The following FSTL4 variants were observed in gnomAD, a reference collection of about 807,000 sequenced individuals.
The protein encoded by FSTL4 is follistatin-related protein 4.
FSTL4 carries 28 observed loss-of-function variants against 78.2 expected under a neutral mutation model. That is an observed-to-expected ratio of 0.36 (90% CI 0.27 to 0.49). FSTL4 has a LOEUF of 0.49. Ranked by LOEUF, FSTL4 falls within the 20% of genes least tolerant of loss-of-function variation. The probability of loss-of-function intolerance (pLI) is 0.98; values close to 1 mark genes in which losing one functional copy is unlikely to be tolerated. For synonymous variants in FSTL4, 422 were observed against 440.5 expected (o/e 0.96, Z 0.53); for missense variants, 922 against 1,084.9 (o/e 0.85, Z 2.11).
At chr5:133,721,054 T>C in the FSTL4 span, 1 of 152,218 alleles carries the variant, frequency 6.6e-6, no homozygotes. Context: ...CTCTGTGGTT[T>C]TAATTTGCAT....
intron 6 of FSTL4, among the ~76,000 whole-genome samples, chr5:133,262,632 G>A (rs1022766418): frequency 3.9e-5 from 6 of 152,130 alleles, no homozygotes; most frequent in Non-Finnish European, 5.9e-5. Flanking sequence ...AGGCTGCACT[G>A]CCCAGCCTGC....
intron 3 of FSTL4, among the ~76,000 whole-genome samples, chr5:133,561,547 T>A (rs575034426): frequency 6.6e-6 from 1 of 152,098 alleles, no homozygotes; most frequent in Admixed American, 6.5e-5. Context: ...CTTGTGGCCA[T>A]CCTGGAAGGC....
intron 6 of FSTL4, among the ~76,000 whole-genome samples, chr5:133,251,910 C>T (rs181363818): frequency 6.6e-6 from 1 of 152,284 alleles, no homozygotes; most frequent in African/African-American, 2.4e-5. Flanking sequence ...CGCGAGTACA[C>T]CAGACTGTGA....
At chr5:133,755,711 A>C in the FSTL4 span, among the ~76,000 whole-genome samples, 1 of 152,188 alleles carries the variant, frequency 6.6e-6, no homozygotes, top group East Asian at 1.9e-4. Context: ...GCTTTACAGG[A>C]GGACTGTTTC....
intron 6 of FSTL4, among the ~76,000 whole-genome samples, chr5:133,272,444 C>A (rs148960207): frequency 1.3e-3 from 201 of 152,314 alleles, no homozygotes; most frequent in Middle Eastern, 3.4e-3. Context: ...CCGTGACGTG[C>A]ATTTAGTTAC....
At chr5:133,682,923 G>C in the FSTL4 span, among the ~76,000 whole-genome samples, 1 of 152,096 alleles carries the variant, frequency 6.6e-6, no homozygotes, top group Admixed American at 6.5e-5. Flanking sequence ...CTTGTGTACA[G>C]TTACCCCGCA....
intron 14 of FSTL4, among the ~76,000 whole-genome samples, chr5:133,206,215 T>TTTTC (rs1175193741): frequency 6.6e-6 from 1 of 152,310 alleles, no homozygotes; most frequent in East Asian, 1.9e-4. Flanking sequence ...TATGGTAGAT[T>TTTTC]TTTCTTTAAA....
At chr5:133,373,758 G>A (rs756400610) in intron 4 of FSTL4, among the ~76,000 whole-genome samples, 36 of 152,156 alleles carry the variant, frequency 2.4e-4, no homozygotes, top group Non-Finnish European at 4.0e-4. Flanking sequence ...CCCTGGGTGG[G>A]GCACTAAGAT....
intron 4 of FSTL4, among the ~76,000 whole-genome samples, chr5:133,385,696 C>T (rs764572606): frequency 2.0e-5 from 3 of 152,214 alleles, no homozygotes; most frequent in Non-Finnish European, 2.9e-5. Context: ...GCAAGGCCTC[C>T]TTCCTTTTTT....
intron 3 of FSTL4, among the ~76,000 whole-genome samples, chr5:133,554,754 G>GAATT (rs768221193): frequency 5.3e-5 from 8 of 152,170 alleles, no homozygotes; most frequent in Non-Finnish European, 1.2e-4. Flanking sequence ...CACTCACAAT[G>GAATT]AATTATCTTG....
chr5:133,825,658 C>G, the FSTL4 span, among the ~76,000 whole-genome samples: 1 of 152,262 alleles, frequency 6.6e-6, no homozygotes, highest in Admixed American at 6.5e-5. Context: ...GCATGGCCCT[C>G]ACCAGTAGGC....
chr5:133,547,182 G>A (rs1422314491), intron 3 of FSTL4, among the ~76,000 whole-genome samples: 3 of 152,170 alleles, frequency 2.0e-5, no homozygotes, highest in Non-Finnish European at 4.4e-5. Flanking sequence ...GTTGTTCCCT[G>A]TAGGGCTTTG....
At chr5:133,403,645 C>T (rs554578247) in intron 3 of FSTL4, among the ~76,000 whole-genome samples, 9 of 152,290 alleles carry the variant, frequency 5.9e-5, no homozygotes, top group African/African-American at 2.2e-4. Flanking sequence ...TTTCCCTTGC[C>T]TTCTCCAAAG....
the FSTL4 span, among the ~76,000 whole-genome samples, chr5:133,805,784 T>C: frequency 6.6e-6 from 1 of 152,220 alleles, no homozygotes; most frequent in Non-Finnish European, 1.5e-5. Context: ...ATTTTGAGTT[T>C]GAACTGTTTG....
At position 133,225,295 on chromosome 5, in the gene FSTL4, G is replaced by T; in HGVS notation, c.1178-11C>A. ...GTTCGCTCCCATTGGCTGCAGACAGGACAGTGCTCAGGGTGGACTGCTCAG... is the reference window on the plus strand; with the variant it reads ...GTTCGCTCCCATTGGCTGCAGACAGTACAGTGCTCAGGGTGGACTGCTCAG... On this transcript the variant is annotated splice_polypyrimidine_tract_variant and intron_variant, in intron 9 of 15. Transcript: ENST00000265342. This position sits in a 1 kb window ranked among gnomAD's most constrained non-coding sequence, Gnocchi z 4.6. The T allele has an allele frequency of 6.2e-7, 1 of 1,614,162 alleles. No homozygotes were observed. Among genetic ancestry groups the T allele is most frequent in the South Asian group, 1.1e-5 (1 of 91,078 alleles).
chr5:133,351,204 TTC>T (rs1324178559), intron 4 of FSTL4, among the ~76,000 whole-genome samples: 3 of 152,212 alleles, frequency 2.0e-5, no homozygotes, highest in African/African-American at 7.2e-5. Flanking sequence ...TGTGTTTTTT[TTC>T]TGTCTATATA....
intron 3 of FSTL4, among the ~76,000 whole-genome samples, chr5:133,464,769 T>C (rs999873852): frequency 6.6e-6 from 1 of 152,222 alleles, no homozygotes; most frequent in Non-Finnish European, 1.5e-5. Flanking sequence ...TCGGGGAAAT[T>C]CTCAAAGGTT....
intron 4 of FSTL4, among the ~76,000 whole-genome samples, chr5:133,386,112 C>T (rs1214457881): frequency 1.3e-5 from 2 of 152,182 alleles, no homozygotes; most frequent in Admixed American, 6.5e-5. Context: ...GGGGTAATAA[C>T]AGTCCTTACC....
chr5:133,379,105 T>C (rs1755508396), intron 4 of FSTL4, among the ~76,000 whole-genome samples: 1 of 152,086 alleles, frequency 6.6e-6, no homozygotes, highest in African/African-American at 2.4e-5. Context: ...GAAAGAGTTA[T>C]ACTAATATCA....
Sources: allele counts gnomAD v4.1 joint callset (sites outside exome capture counted in the v4.1 genomes callset), GRCh38; gene constraint gnomAD v4.1.1; non-coding constraint Gnocchi (gnomAD v3.1); transcripts MANE v1.5; gene names NCBI Gene and HGNC (gene_info 2026-07-23, HGNC 2026-07-21).